Variants in AMBN observed in about 807,000 individuals in gnomAD.
AMBN encodes enamel matrix protein.
In AMBN, 54 loss-of-function variants were observed where a neutral mutation model predicts 48.0. That is an observed-to-expected ratio of 1.12 (90% CI 0.90 to 1.41). The LOEUF (loss-of-function observed/expected upper bound fraction) is 1.41. Among genes scored for constraint, AMBN ranks in the 40% most tolerant of loss-of-function variants. AMBN has a pLI of 0.00. For synonymous variants in AMBN, 186 were observed against 190.0 expected (o/e 0.98, Z 0.17); for missense variants, 571 against 547.3 (o/e 1.04, Z -0.43).
At position 70,606,220 on chromosome 4, in the gene AMBN, G is replaced by C; in HGVS notation, c.834G>C (p.Met278Ile). ...GREDPMAYGA[M>I]FPGFGGMRPG... ...AAGACCCAATGGCCTATGGAGCCAT[G>C]TTTCCAGGATTTGGAGGCATGAGGC... The change falls in exon 13 of 13, where the codon ATG (methionine) becomes ATC (isoleucine). Residue 278 changes from methionine to isoleucine, a missense_variant. Physicochemically the swap from Met to Ile is conservative, Grantham distance 10. Coordinates refer to ENST00000322937, the MANE Select transcript of AMBN (RefSeq NM_016519.6). 6.2e-7 allele frequency: 1 copy of C among 1,614,074 alleles called. No homozygotes were observed. The highest frequency in any genetic ancestry group is 1.1e-5 in the South Asian group (1 of 91,082).
At chr4:70,603,552 C>A in intron 11 of AMBN, 92 bp downstream of exon 11, 1 of 1,263,204 alleles carries the variant, frequency 7.9e-7, no homozygotes, top group Non-Finnish European at 1.1e-6. Context: ...CAAGAGATTC[C>A]AAATAAACAT....
intron 11 of AMBN, among the ~76,000 whole-genome samples, 154 bp from the exon 12 acceptor site, chr4:70,603,723 A>G (rs114846042): frequency 6.6e-6 from 1 of 152,286 alleles, no homozygotes; most frequent in African/African-American, 2.4e-5. Context: ...CGAGTTGACT[A>G]CATTTATTCC....
rs1737544700 is a variant in AMBN at position 70,602,619 on chromosome 4, T to C, written c.532-5T>C. On this transcript the variant is annotated splice_polypyrimidine_tract_variant and splice_region_variant and intron_variant, in intron 6 of 12. Coordinates refer to ENST00000322937, the MANE Select transcript of AMBN (RefSeq NM_016519.6). ...TGATAATTTTAATATTTATCTGTGA[T>C]ATAGCTCCCAGGAGTAGATTTTGCT... 6.4e-7 allele frequency: 1 copy of C among 1,560,526 alleles called. No individual in the cohort carries two copies. Among genetic ancestry groups the C allele is most frequent in the African/African-American group, 1.4e-5 (1 of 72,370 alleles).
chr4:70,603,455 C>A lies in AMBN; in HGVS notation c.748C>A (p.Gln250Lys), dbSNP rs763621098. The A allele has an allele frequency of 6.2e-7, 1 of 1,611,822 alleles. No individual in the cohort carries two copies. Among genetic ancestry groups the A allele is most frequent in the Non-Finnish European group, 8.5e-7 (1 of 1,179,406 alleles). The stretch of plus-strand genomic sequence containing the variant: ...GTTGTACGTGCCTTTTGGAGCAAAT[C>A]AATTGGTAAGTCCATATTCTATAAA... ...GMLYVPFGAN[Q>K]LNAPARLGIM... The change falls in exon 11 of 13, where the codon CAA (glutamine) becomes AAA (lysine). Residue 250 changes from glutamine (Q) to lysine (K), a missense_variant. Coordinates refer to ENST00000322937, the MANE Select transcript of AMBN (RefSeq NM_016519.6).
intron 6 of AMBN, 46 bp downstream of exon 6, chr4:70,601,700 A>C (rs1318780386): frequency 6.4e-7 from 1 of 1,565,308 alleles, no homozygotes; most frequent in East Asian, 2.2e-5. Flanking sequence ...CAGCTAACCT[A>C]ATAGAAGAAA....
chr4:70,601,725 C>T (rs1376855973), intron 6 of AMBN, 71 bp downstream of exon 6: 4 of 1,423,766 alleles, frequency 2.8e-6, no homozygotes, highest in Non-Finnish European at 3.9e-6. Flanking sequence ...ATTTGCAGGG[C>T]ACTTTTAAAT....
Position 70,601,641 on chromosome 4 carries a change from C to T in AMBN, c.518C>T (p.Pro173Leu). 1.2e-6 allele frequency: 2 copies of T among 1,614,008 alleles called. No homozygotes were observed. The highest frequency in any genetic ancestry group is 1.7e-6 in the Non-Finnish European group (2 of 1,179,918). Residue 173 changes from proline to leucine, a missense_variant, in exon 6 of 13, where the codon CCA becomes CTA. Transcript: ENST00000322937. ...CAGCAGGTGGCACCATCAGATAAGC[C>T]ACCAAAGCCTGAGGTACTTCCTTTC... ...VQQQVAPSDK[P>L]PKPELPGVDF...
chr4:70,604,238 T>G (rs2109804738), intron 12 of AMBN, among the ~76,000 whole-genome samples: 1 of 152,298 alleles, frequency 6.6e-6, no homozygotes, highest in Admixed American at 6.5e-5. Flanking sequence ...AGGATACACG[T>G]GGTTCATACA....
intron 6 of AMBN, 77 bp downstream of exon 6, chr4:70,601,731 T>A (rs1017532875): frequency 1.5e-6 from 2 of 1,318,484 alleles, no homozygotes; most frequent in African/African-American, 2.9e-5. Context: ...AGGGCACTTT[T>A]AAATAATCGT....
At chr4:70,600,061 T>G (rs1311831088) in intron 5 of AMBN, among the ~76,000 whole-genome samples, 1 of 152,032 alleles carries the variant, frequency 6.6e-6, no homozygotes, top group East Asian at 1.9e-4. Flanking sequence ...AATCCCAGCA[T>G]TTTGGGAGGC....
At chr4:70,605,516 A>G (rs1737619652) in intron 12 of AMBN, among the ~76,000 whole-genome samples, 1 of 152,210 alleles carries the variant, frequency 6.6e-6, no homozygotes, top group South Asian at 2.1e-4. Context: ...CTGGCAGCAA[A>G]GGTAGAAAAA....
intron 12 of AMBN, among the ~76,000 whole-genome samples, chr4:70,605,402 A>C (rs1737617693): frequency 6.6e-6 from 1 of 152,164 alleles, no homozygotes; most frequent in Non-Finnish European, 1.5e-5. Flanking sequence ...TGAAAGTAGG[A>C]TTTAAAATGA....
At chr4:70,598,522 A>G in intron 4 of AMBN, 119 bp downstream of exon 4, 1 of 735,132 alleles carries the variant, frequency 1.4e-6, no homozygotes, top group East Asian at 3.3e-5. Context: ...GGAAGAACCA[A>G]GAAGTAAATG....
intron 11 of AMBN, among the ~76,000 whole-genome samples, 157 bp downstream of exon 11, chr4:70,603,617 G>A (rs1474633341): frequency 6.6e-6 from 1 of 151,240 alleles, no homozygotes; most frequent in East Asian, 1.9e-4. Context: ...TTCCTATTTG[G>A]ATAATCTTGG....
rs1441832909 is a variant in AMBN, at chr4:70,606,772, C to A, written c.*42C>A. The stretch of plus-strand genomic sequence containing the variant: ...GCTACTTTCTGTATGCACAAGCTTC[C>A]CAGCTTTGTCCCCACAGTGTACCTT... On this transcript the variant is annotated 3_prime_UTR_variant, in exon 13 of 13. Coordinates refer to ENST00000322937, the MANE Select transcript of AMBN (RefSeq NM_016519.6). 1.3e-6 allele frequency: 2 copies of A among 1,560,892 alleles called. No individual in the cohort carries two copies. Among genetic ancestry groups the A allele is most frequent in the Admixed American group, 3.7e-5 (2 of 53,344 alleles).
chr4:70,596,510 G>A (rs934062403), intron 2 of AMBN, among the ~76,000 whole-genome samples: 17 of 152,072 alleles, frequency 1.1e-4, no homozygotes, highest in African/African-American at 4.1e-4. Flanking sequence ...CCCTTTGAAT[G>A]GGAATCCAGT....
chr4:70,602,866 AT>A (rs142022847), intron 8 of AMBN, 30 bp downstream of exon 8: 110,655 of 1,553,494 alleles, frequency 0.071, 4,508 homozygotes, highest in African/African-American at 0.14. Flanking sequence ...AGACACTTCT[AT>A]TTTTTATTTT....
intron 2 of AMBN, among the ~76,000 whole-genome samples, 193 bp from the exon 3 acceptor site, chr4:70,596,806 A>G (rs1737393116): frequency 6.6e-6 from 1 of 152,226 alleles, no homozygotes; most frequent in Non-Finnish European, 1.5e-5. Context: ...AAAATTATCA[A>G]ATACTATGTT....
At chr4:70,601,685 A>AT (rs764935597) in intron 6 of AMBN, 31 bp downstream of exon 6, 1 of 1,598,708 alleles carries the variant, frequency 6.3e-7, no homozygotes, top group Admixed American at 1.7e-5. Context: ...TCAGATCAGA[A>AT]TCACCAGCTA....
Sources: allele counts gnomAD v4.1 joint callset (sites outside exome capture counted in the v4.1 genomes callset), GRCh38; gene constraint gnomAD v4.1.1; transcripts MANE v1.5; gene names NCBI Gene and HGNC (gene_info 2026-07-23, HGNC 2026-07-21).